The following GRIK2 variants were observed in gnomAD, a reference collection of about 807,000 sequenced individuals.
The protein encoded by GRIK2 is glutamate ionotropic receptor kainate type subunit 2.
Under a neutral mutation model 100.3 loss-of-function variants are expected in GRIK2, and 32 were observed. That is an observed-to-expected ratio of 0.32 (90% CI 0.24 to 0.43). The LOEUF is 0.43. GRIK2 is among the 20% of genes least tolerant of loss of function. The probability of loss-of-function intolerance (pLI) is 1.00; values close to 1 mark genes in which losing one functional copy is unlikely to be tolerated. For synonymous variants in GRIK2, 417 were observed against 389.4 expected (o/e 1.07, Z -0.83); for missense variants, 843 against 1,114.9 (o/e 0.76, Z 3.47).
chr6:101,941,139 ACTAT>A (rs1355110006), intron 14 of GRIK2, among the ~76,000 whole-genome samples: 1 of 152,232 alleles, frequency 6.6e-6, no homozygotes, highest in Admixed American at 6.5e-5. Flanking sequence ...TACAATTATA[ACTAT>A]CTAAACCATA....
chr6:101,989,372 A>G (rs1399679545), intron 14 of GRIK2, among the ~76,000 whole-genome samples: 1 of 151,734 alleles, frequency 6.6e-6, no homozygotes, highest in East Asian at 1.9e-4. Flanking sequence ...TACGAAAGGT[A>G]TTTATTAATT....
chr6:101,537,432 G>T (rs1211844667), intron 2 of GRIK2, among the ~76,000 whole-genome samples: 1 of 111,352 alleles, frequency 9.0e-6, no homozygotes, highest in African/African-American at 3.5e-5. Context: ...GTGTGTTTGT[G>T]TGTGTGTGTT....
At chr6:101,818,550 CATT>C (rs1781771624) in intron 10 of GRIK2, 67 bp downstream of exon 10, 1 of 852,602 alleles carries the variant, frequency 1.2e-6, no homozygotes, top group Non-Finnish European at 2.0e-6. Flanking sequence ...TAGAAAAGGA[CATT>C]ATAATTGGAA....
At chr6:101,852,875 CA>C (rs1286675672) in intron 10 of GRIK2, among the ~76,000 whole-genome samples, 3 of 152,084 alleles carry the variant, frequency 2.0e-5, no homozygotes, top group Admixed American at 2.0e-4. Flanking sequence ...AGTAGTGAGG[CA>C]AAAGGGTATG....
At chr6:101,525,406 T>C (rs1775102069) in intron 2 of GRIK2, among the ~76,000 whole-genome samples, 1 of 152,184 alleles carries the variant, frequency 6.6e-6, no homozygotes. Flanking sequence ...CTGATGATTA[T>C]GGTGGTGTGT....
At chr6:101,440,852 C>A (rs928079746) in intron 2 of GRIK2, among the ~76,000 whole-genome samples, 1 of 151,688 alleles carries the variant, frequency 6.6e-6, no homozygotes, top group African/African-American at 2.4e-5. Context: ...AACTCCTCAG[C>A]CTCCTTGTCA....
At chr6:101,834,826 C>G (rs917429267) in intron 10 of GRIK2, among the ~76,000 whole-genome samples, 9 of 151,806 alleles carry the variant, frequency 5.9e-5, no homozygotes, top group Non-Finnish European at 1.2e-4. Context: ...TAGGAAGACC[C>G]TATTACTACA....
intron 2 of GRIK2, among the ~76,000 whole-genome samples, chr6:101,463,067 A>G (rs1562155609): frequency 6.6e-6 from 1 of 152,180 alleles, no homozygotes; most frequent in Non-Finnish European, 1.5e-5. Context: ...GATTTCAGAC[A>G]CTTATCTTTT....
chr6:101,464,781 A>C (rs1478634154), intron 2 of GRIK2, among the ~76,000 whole-genome samples: 1 of 151,650 alleles, frequency 6.6e-6, no homozygotes. Flanking sequence ...CAGCCTCCCA[A>C]AGTGCTGGGA....
intron 2 of GRIK2, among the ~76,000 whole-genome samples, chr6:101,541,377 CACACACACACACACACACA>C (rs1775981003): frequency 4.3e-4 from 62 of 145,342 alleles, no homozygotes; most frequent in Non-Finnish European, 7.8e-4. Flanking sequence ...CGCACACAAC[CACACACACACACACACACA>C]CACACACACA....
intron 2 of GRIK2, among the ~76,000 whole-genome samples, chr6:101,525,744 A>G (rs987273890): frequency 6.6e-6 from 1 of 152,234 alleles, no homozygotes; most frequent in Non-Finnish European, 1.5e-5. Flanking sequence ...AATTTCAAAC[A>G]TGACCTGAGT....
intron 14 of GRIK2, among the ~76,000 whole-genome samples, chr6:101,953,387 A>G (rs1197877880): frequency 6.6e-6 from 1 of 152,202 alleles, no homozygotes; most frequent in East Asian, 1.9e-4. Flanking sequence ...TTAGCAGTGT[A>G]CAAGGGCTCC....
chr6:102,014,256 GGT>G (rs1160810445), intron 14 of GRIK2, among the ~76,000 whole-genome samples: 2 of 152,032 alleles, frequency 1.3e-5, no homozygotes, highest in Non-Finnish European at 2.9e-5. Context: ...AGTCTTTGAT[GGT>G]TATTTGTATT....
Position 101,917,472 on chromosome 6 carries a change from A to G in GRIK2, c.1749-7129A>G, listed in dbSNP as rs180697057. 1.5e-3 allele frequency among the ~76,000 whole-genome samples: 228 copies of G among 151,824 alleles called. 1 individual carries two copies. The highest frequency in any genetic ancestry group is 4.7e-3 in the African/African-American group (195 of 41,518). ...AAAATCCAGAGTTGAGCCTGAAAAC[A>G]TGGCTTATAGTCATTCTGTGAAAGT... On this transcript the variant is annotated intron_variant, in intron 12 of 16. Coordinates refer to ENST00000369134, the MANE Select transcript of GRIK2 (RefSeq NM_021956.5).
intron 10 of GRIK2, among the ~76,000 whole-genome samples, chr6:101,842,097 A>G (rs986894415): frequency 2.0e-5 from 3 of 152,310 alleles, no homozygotes; most frequent in African/African-American, 7.2e-5. Flanking sequence ...TTCCTGGCAC[A>G]AAATTGTCAG....
intron 2 of GRIK2, among the ~76,000 whole-genome samples, chr6:101,537,547 T>A (rs1775774537): frequency 6.6e-6 from 1 of 151,596 alleles, no homozygotes; most frequent in Non-Finnish European, 1.5e-5. Flanking sequence ...TTAAGTTATT[T>A]ATCTATGTTC....
chr6:101,800,945 C>T (rs541709559), intron 8 of GRIK2, among the ~76,000 whole-genome samples: 6 of 152,202 alleles, frequency 3.9e-5, no homozygotes, highest in African/African-American at 1.4e-4. Flanking sequence ...CTAAATCACA[C>T]AGTGTCCCCC....
intron 2 of GRIK2, among the ~76,000 whole-genome samples, chr6:101,428,635 C>A (rs2128242150): frequency 6.6e-6 from 1 of 152,194 alleles, no homozygotes; most frequent in South Asian, 2.1e-4. Flanking sequence ...ATATAGAATC[C>A]TTAACTTTGA....
intron 7 of GRIK2, among the ~76,000 whole-genome samples, chr6:101,793,729 T>G (rs1780070752): frequency 6.6e-6 from 1 of 152,130 alleles, no homozygotes; most frequent in African/African-American, 2.4e-5. Context: ...GAACCACTGC[T>G]CTCTTCAAAG....
Sources: gnomAD v4.1 joint callset for allele counts (sites outside exome capture counted in the v4.1 genomes callset) on GRCh38, gnomAD v4.1.1 for gene constraint, MANE v1.5 for transcripts, NCBI Gene and HGNC (gene_info 2026-07-23, HGNC 2026-07-21) for gene names.